CCBE1: variants seen among roughly 807,000 people sequenced by gnomAD.
CCBE1 encodes the protein collagen and calcium binding EGF domains 1, also known as collagen and calcium-binding EGF domain-containing protein 1.
A neutral mutation model predicts 50.0 loss-of-function variants in CCBE1; 37 were observed. The ratio of observed to expected loss-of-function variants is 0.74; its 90% CI spans 0.57 to 0.97. The LOEUF (loss-of-function observed/expected upper bound fraction) is 0.97. Ranked by LOEUF, CCBE1 falls within the 50% of genes least tolerant of loss-of-function variation. The pLI is 0.00. For missense variants in CCBE1, 538 were observed against 523.8 expected, an observed-to-expected ratio of 1.03 and a Z score of -0.26; for synonymous variants, 234 against 203.7, an observed-to-expected ratio of 1.15 and a Z score of -1.27.
chr18:59,693,129 CTTT>C (rs796557055), intron 2 of CCBE1, among the ~76,000 whole-genome samples: 26 of 151,956 alleles, frequency 1.7e-4, no homozygotes, highest in Admixed American at 6.6e-4. Context: ...GTACATTGTT[CTTT>C]TTTTTAAATA....
chr18:59,654,298 G>T (rs184409568), intron 2 of CCBE1, among the ~76,000 whole-genome samples: 24 of 152,316 alleles, frequency 1.6e-4, no homozygotes, highest in Non-Finnish European at 2.4e-4. Context: ...TTTTGTTTGG[G>T]CACACGCGTA....
At position 59,435,879 on chromosome 18, in the gene CCBE1, T is replaced by C; in HGVS notation, c.*29A>G. ...AACTGCAGGTGAGTTGATCTTTCTC[T>C]TCCTTTGGCGTGACGGTGTTGGGAT... On this transcript the variant is annotated 3_prime_UTR_variant, in exon 11 of 11. Coordinates refer to ENST00000439986, the MANE Select transcript of CCBE1 (RefSeq NM_133459.4). 1 of 1,590,464 alleles carries C rather than the reference T, an allele frequency of 6.3e-7. No individual in the cohort carries two copies. The highest frequency in any genetic ancestry group is 8.6e-7 in the Non-Finnish European group (1 of 1,158,300).
At chr18:59,473,781 T>G (rs66495368) in intron 3 of CCBE1, among the ~76,000 whole-genome samples, 1 of 790 alleles carries the variant, frequency 1.3e-3, no homozygotes. Flanking sequence ...CACTATTTCC[T>G]CCCCACTACT....
intron 3 of CCBE1, among the ~76,000 whole-genome samples, chr18:59,477,953 G>A (rs937666519): frequency 6.6e-5 from 10 of 152,274 alleles, no homozygotes; most frequent in South Asian, 2.1e-4. Flanking sequence ...ATTATTCTAC[G>A]TGCTTCTGTG....
Position 59,438,148 on chromosome 18 carries a change from TA to T in CCBE1, c.952-3del. ...GGGCCCAGGCGCTCCTCTCTCCCCC[TA>T]AAAACAGAAAGGCCAGGGTTAGCTT... On this transcript the variant is annotated splice_region_variant and splice_polypyrimidine_tract_variant and intron_variant, in intron 9 of 10. Transcript: ENST00000439986. The T allele has an allele frequency of 1.9e-6, 3 of 1,614,052 alleles. No homozygotes were observed. The African/African-American group carries it at 4.0e-5, about 22-fold the overall frequency.
chr18:59,551,198 G>C (rs1915917824), intron 2 of CCBE1, among the ~76,000 whole-genome samples: 1 of 152,172 alleles, frequency 6.6e-6, no homozygotes, highest in South Asian at 2.1e-4. Flanking sequence ...TGTATGCTGT[G>C]GCCTATGCTC....
chr18:59,538,731 G>C (rs1474937638), intron 2 of CCBE1, among the ~76,000 whole-genome samples: 1 of 152,190 alleles, frequency 6.6e-6, no homozygotes, highest in Non-Finnish European at 1.5e-5. Context: ...ACAGAATTTA[G>C]AGGTCTGTGA....
At chr18:59,440,647 AAT>A (rs1365368486) in intron 7 of CCBE1, among the ~76,000 whole-genome samples, 1 of 152,146 alleles carries the variant, frequency 6.6e-6, no homozygotes, top group Non-Finnish European at 1.5e-5. Context: ...GCCCCAGAGA[AAT>A]ATCCCTTACT....
intron 2 of CCBE1, among the ~76,000 whole-genome samples, chr18:59,514,157 A>G (rs542194999): frequency 5.3e-5 from 8 of 152,344 alleles, no homozygotes; most frequent in Admixed American, 3.3e-4. Context: ...CATCTTTTAC[A>G]TAGCAACATT....
At chr18:59,650,030 T>C (rs1436499522) in intron 2 of CCBE1, among the ~76,000 whole-genome samples, 2 of 152,040 alleles carry the variant, frequency 1.3e-5, no homozygotes, top group Non-Finnish European at 2.9e-5. Context: ...GTGAGCCATC[T>C]CCACCCAGCT....
intron 2 of CCBE1, among the ~76,000 whole-genome samples, chr18:59,537,978 A>C (rs1915320029): frequency 6.6e-6 from 1 of 152,230 alleles, no homozygotes; most frequent in South Asian, 2.1e-4. Context: ...TGAAGAGTAC[A>C]TAGCACATAG....
At chr18:59,550,673 A>G (rs1915877756) in intron 2 of CCBE1, among the ~76,000 whole-genome samples, 1 of 152,180 alleles carries the variant, frequency 6.6e-6, no homozygotes, top group African/African-American at 2.4e-5. Flanking sequence ...AACCCCAAAC[A>G]GCAGGTGCCA....
chr18:59,658,699 G>A (rs1388937423), intron 2 of CCBE1, among the ~76,000 whole-genome samples: 2 of 151,186 alleles, frequency 1.3e-5, no homozygotes, highest in Non-Finnish European at 2.9e-5. Context: ...TGCCAACATG[G>A]TAAAACCCTG....
intron 2 of CCBE1, among the ~76,000 whole-genome samples, chr18:59,537,870 C>G (rs1305047876): frequency 6.6e-6 from 1 of 152,202 alleles, no homozygotes; most frequent in Non-Finnish European, 1.5e-5. Flanking sequence ...GTCACTTAAC[C>G]TCTTGCATGT....
intron 2 of CCBE1, among the ~76,000 whole-genome samples, chr18:59,646,729 C>T (rs1464016865): frequency 1.3e-5 from 2 of 152,224 alleles, no homozygotes; most frequent in Non-Finnish European, 2.9e-5. Flanking sequence ...TCTCATGTAG[C>T]AATGATTTCA....
intron 2 of CCBE1, among the ~76,000 whole-genome samples, chr18:59,575,359 G>C (rs1012641819): frequency 6.6e-6 from 1 of 152,044 alleles, no homozygotes; most frequent in Non-Finnish European, 1.5e-5. Flanking sequence ...GGCAAAAGGT[G>C]AAAGAGCAGA....
In CCBE1 at chr18:59,678,060, AGTAAGCGTGTGCGATGGTT is replaced by A. The variant is rs1181943304; in HGVS notation, c.212+18550_212+18568del. 5.3e-5 allele frequency among the ~76,000 whole-genome samples: 8 copies of A among 152,326 alleles called. No homozygotes were observed. In the East Asian group the frequency reaches 7.7e-4, roughly 15 times the overall value. On this transcript the variant is annotated intron_variant, in intron 2 of 10. Transcript: ENST00000439986. ...CATACCGGGGGATGCAAAGATGGGA[AGTAAGCGTGTGCGATGGTT>A]GTAAGCGGGTGCGGTAGTCGTAAGC... is the stretch of plus-strand genomic sequence containing the variant.
intron 2 of CCBE1, among the ~76,000 whole-genome samples, chr18:59,519,897 C>A (rs1175867008): frequency 2.0e-5 from 3 of 152,250 alleles, no homozygotes; most frequent in East Asian, 1.9e-4. Context: ...TATAGCTAGC[C>A]AGTTTTTTCC....
At chr18:59,449,144 C>T (rs1259611524) in intron 6 of CCBE1, among the ~76,000 whole-genome samples, 1 of 152,180 alleles carries the variant, frequency 6.6e-6, no homozygotes, top group Non-Finnish European at 1.5e-5. Context: ...GGCAGACTTA[C>T]CTTTAAATCT....
Sources: gnomAD v4.1 joint callset for allele counts (sites outside exome capture counted in the v4.1 genomes callset) on GRCh38, gnomAD v4.1.1 for gene constraint, MANE v1.5 for transcripts, NCBI Gene and HGNC (gene_info 2026-07-23, HGNC 2026-07-21) for gene names.